Variants in OR9Q1 observed in about 807,000 individuals in gnomAD.
OR9Q1 encodes olfactory receptor 9Q1.
For missense variants in OR9Q1, 374 were observed against 378.8 expected (o/e 0.99, Z 0.11); for synonymous variants, 153 against 148.6 (o/e 1.03, Z -0.22).
At chr11:58,154,705 T>C (rs1262377718) in intron 2 of OR9Q1, among the ~76,000 whole-genome samples, 3 of 152,206 alleles carry the variant, frequency 2.0e-5, no homozygotes, top group Non-Finnish European at 4.4e-5. Flanking sequence ...CACCAAAGTA[T>C]CACATGTACC....
intron 2 of OR9Q1, among the ~76,000 whole-genome samples, chr11:58,114,773 G>C (rs1376853527): frequency 6.6e-6 from 1 of 152,174 alleles, no homozygotes; most frequent in Non-Finnish European, 1.5e-5. Context: ...TGAGGAAGCA[G>C]ACCCAGAGGG....
intron 2 of OR9Q1, among the ~76,000 whole-genome samples, chr11:58,148,843 G>A (rs763660907): frequency 7.2e-5 from 11 of 152,158 alleles, no homozygotes; most frequent in Admixed American, 2.0e-4. Context: ...GTGGGCTGTC[G>A]GCTTCCCTGT....
chr11:58,112,740 C>A (rs932568141), intron 2 of OR9Q1, among the ~76,000 whole-genome samples: 2 of 152,142 alleles, frequency 1.3e-5, no homozygotes, highest in African/African-American at 2.4e-5. Context: ...AAACCCCAAG[C>A]TTATCCGTTA....
At chr11:58,103,546 T>G (rs1221363727) in intron 2 of OR9Q1, among the ~76,000 whole-genome samples, 2 of 152,232 alleles carry the variant, frequency 1.3e-5, no homozygotes, top group East Asian at 3.8e-4. Flanking sequence ...CTCACTGAAT[T>G]TCACGAAGAT....
At chr11:58,076,586 A>G (rs185699511) in intron 2 of OR9Q1, among the ~76,000 whole-genome samples, 5 of 152,328 alleles carry the variant, frequency 3.3e-5, no homozygotes, top group Admixed American at 2.6e-4. Context: ...TATATTCTAA[A>G]GGTGAGATAA....
chr11:58,124,003 TA>T (rs1386615384), intron 2 of OR9Q1, among the ~76,000 whole-genome samples: 2 of 152,186 alleles, frequency 1.3e-5, no homozygotes, highest in Non-Finnish European at 2.9e-5. Flanking sequence ...AATGAGAATA[TA>T]GTAACGATTC....
At chr11:58,154,497 G>T (rs1027876304) in intron 2 of OR9Q1, among the ~76,000 whole-genome samples, 5 of 151,882 alleles carry the variant, frequency 3.3e-5, no homozygotes, top group Admixed American at 6.6e-5. Flanking sequence ...ATTGGAGAGG[G>T]TTAAATGCAC....
At chr11:58,178,992 G>C (rs1157800094) in intron 2 of OR9Q1, among the ~76,000 whole-genome samples, 1 of 112,714 alleles carries the variant, frequency 8.9e-6, no homozygotes, top group Non-Finnish European at 1.8e-5. Context: ...ATATTATAGA[G>C]AGAGAGAGAG....
intron 2 of OR9Q1, among the ~76,000 whole-genome samples, chr11:58,092,683 T>G (rs1009785048): frequency 3.9e-5 from 6 of 152,330 alleles, no homozygotes. Flanking sequence ...GGATAAATTT[T>G]GATGCTTTCC....
chr11:58,046,663 A>C (rs1159873048), intron 1 of OR9Q1, among the ~76,000 whole-genome samples: 5 of 152,070 alleles, frequency 3.3e-5, no homozygotes, highest in African/African-American at 9.7e-5. Flanking sequence ...GGAGTTTGAG[A>C]CCGACCTGGC....
chr11:58,111,588 C>A (rs2120110735), intron 2 of OR9Q1, among the ~76,000 whole-genome samples: 1 of 152,162 alleles, frequency 6.6e-6, no homozygotes, highest in African/African-American at 2.4e-5. Flanking sequence ...TTTGGAGTGG[C>A]CAGTACATAA....
intron 2 of OR9Q1, chr11:58,118,751 C>CT: frequency 6.2e-7 from 1 of 1,614,074 alleles, no homozygotes; most frequent in Non-Finnish European, 8.5e-7. Flanking sequence ...GCCCTGCCAC[C>CT]TGAAGACTTC....
chr11:58,053,869 C>T (rs1462989335), intron 1 of OR9Q1, among the ~76,000 whole-genome samples: 2 of 151,722 alleles, frequency 1.3e-5, no homozygotes, highest in African/African-American at 2.4e-5. Flanking sequence ...ATCCTCCATC[C>T]CCCATCCCAA....
intron 2 of OR9Q1, among the ~76,000 whole-genome samples, chr11:58,147,398 T>A (rs1854309041): frequency 6.6e-6 from 1 of 152,182 alleles, no homozygotes; most frequent in Non-Finnish European, 1.5e-5. Context: ...TGCCAGACTG[T>A]GTTTATGAGC....
At chr11:58,136,742 G>A (rs73482615) in intron 2 of OR9Q1, among the ~76,000 whole-genome samples, 4,654 of 152,224 alleles carry the variant, frequency 0.031, 227 homozygotes, top group African/African-American at 0.1. Flanking sequence ...ATTGCAAAAT[G>A]GACAGAGTTG....
At chr11:58,035,410 T>A (rs1455517932) in intron 1 of OR9Q1, among the ~76,000 whole-genome samples, 1 of 152,230 alleles carries the variant, frequency 6.6e-6, no homozygotes. Flanking sequence ...ACTGCTCCCC[T>A]ATGTCAGTTG....
At chr11:58,092,403 C>T (rs1397625062) in intron 2 of OR9Q1, among the ~76,000 whole-genome samples, 1 of 150,956 alleles carries the variant, frequency 6.6e-6, no homozygotes, top group Non-Finnish European at 1.5e-5. Flanking sequence ...TTTTGCTTTC[C>T]AGTTAGAATG....
At chr11:58,122,413 T>C (rs1484072779) in intron 2 of OR9Q1, among the ~76,000 whole-genome samples, 4 of 152,196 alleles carry the variant, frequency 2.6e-5, no homozygotes, top group African/African-American at 9.6e-5. Flanking sequence ...ACTTCAAACG[T>C]TTATTTTCCC....
At chr11:58,143,716 G>T (rs549919637) in intron 2 of OR9Q1, among the ~76,000 whole-genome samples, 7 of 152,020 alleles carry the variant, frequency 4.6e-5, no homozygotes, top group African/African-American at 1.7e-4. Flanking sequence ...GGCTGTAGGC[G>T]GGGGGGTGGC....
Sources: gnomAD v4.1 joint callset for allele counts (sites outside exome capture counted in the v4.1 genomes callset) on GRCh38, gnomAD v4.1.1 for gene constraint, MANE v1.5 for transcripts, NCBI Gene and HGNC (gene_info 2026-07-23, HGNC 2026-07-21) for gene names.